Variants in PRCP observed in about 807,000 individuals in gnomAD.
PRCP encodes prolylcarboxypeptidase.
Under a neutral mutation model 54.2 loss-of-function variants are expected in PRCP, and 46 were observed. That is an observed-to-expected ratio of 0.85 (90% CI 0.67 to 1.09). The LOEUF (loss-of-function observed/expected upper bound fraction) is 1.09, where lower values mean the gene tolerates loss of function less well. Ranked by LOEUF, PRCP falls within the 50% of genes least tolerant of loss-of-function variation. The pLI is 0.00. For synonymous variants in PRCP, 240 were observed against 212.2 expected (o/e 1.13, Z -1.14); for missense variants, 613 against 596.8 (o/e 1.03, Z -0.28).
chr11:82,889,421 T>G (rs1438449616), intron 1 of PRCP, among the ~76,000 whole-genome samples: 9 of 137,068 alleles, frequency 6.6e-5, no homozygotes, highest in East Asian at 2.1e-4. Flanking sequence ...GGAGGAGGGA[T>G]GGAGGAAGGA....
chr11:82,855,260 G>T (rs1341082761), intron 2 of PRCP, among the ~76,000 whole-genome samples: 1 of 152,180 alleles, frequency 6.6e-6, no homozygotes, highest in Admixed American at 6.5e-5. Context: ...CAGAATGAGA[G>T]AAAATATTTG....
In PRCP at chr11:82,823,433, T is replaced by C. The variant is rs1357832427; in HGVS notation, c.*1473A>G. 9 of 152,220 alleles carry C rather than the reference T, an allele frequency of 5.9e-5. No homozygotes were observed. The highest frequency in any genetic ancestry group is 3.9e-4 in the Admixed American group (6 of 15,286). The allele number at this position is 152,220 out of a possible 1,614,324, so 9.4% of individuals were successfully genotyped here. A position where few individuals can be genotyped will look rare whatever the true frequency, so the allele number is the denominator to read the frequency against. On this transcript the variant is annotated 3_prime_UTR_variant, in exon 9 of 9. Transcript: ENST00000313010. ...ATAGACAACTCATTACAATGAGAAC[T>C]GAAGGCTCCCAAAATAAGACAAAGA...
intron 1 of PRCP, among the ~76,000 whole-genome samples, chr11:82,898,355 T>C (rs1236664050): frequency 6.6e-6 from 1 of 152,212 alleles, no homozygotes; most frequent in Non-Finnish European, 1.5e-5. Context: ...GAAAAGAATC[T>C]ACAATAAAGG....
chr11:82,844,437 A>AAAAG (rs1258789813), intron 6 of PRCP, among the ~76,000 whole-genome samples: 2 of 151,830 alleles, frequency 1.3e-5, no homozygotes, highest in African/African-American at 2.4e-5. Context: ...AAAAATAAAT[A>AAAAG]AAAGAAAGAA....
chr11:82,879,928 A>C (rs377533157), intron 1 of PRCP, among the ~76,000 whole-genome samples: 1 of 152,166 alleles, frequency 6.6e-6, no homozygotes, highest in African/African-American at 2.4e-5. Flanking sequence ...CAGTTGTATG[A>C]GATGTCAGTC....
chr11:82,823,417 T>C lies in PRCP; in HGVS notation c.*1489A>G, dbSNP rs902571161. 1 of 152,154 alleles carries C rather than the reference T, an allele frequency of 6.6e-6. No homozygotes were observed. The highest frequency in any genetic ancestry group is 2.4e-5 in the African/African-American group (1 of 41,444). 9.4% of individuals were successfully genotyped at this position (152,154 alleles called of 1,614,324 possible). On this transcript the variant is annotated 3_prime_UTR_variant, in exon 9 of 9. Coordinates refer to ENST00000313010, the MANE Select transcript of PRCP (RefSeq NM_005040.4). ...GTTACCAAATGCTTTGATAGACAAC[T>C]CATTACAATGAGAACTGAAGGCTCC...
At position 82,845,398 on chromosome 11, in the gene PRCP, A is replaced by G. The variant is rs544018061; in HGVS notation, c.921+3651T>C. Among the ~76,000 whole-genome samples the G allele has an allele frequency of 2.2e-4, 34 of 152,288 alleles. 1 individual carries two copies. The South Asian group carries it at 2.7e-3, about 12-fold the overall frequency. Reference sequence around the variant, plus strand: ...AAGGAAAGAAGATATGTTGGGGGAAAAAAAAAAGACCAATCTCCTCTCAGA... The same window carrying G: ...AAGGAAAGAAGATATGTTGGGGGAAGAAAAAAAGACCAATCTCCTCTCAGA... On this transcript the variant is annotated intron_variant, in intron 6 of 8. Transcript: ENST00000313010.
chr11:82,888,106 T>C (rs1411724311), intron 1 of PRCP, among the ~76,000 whole-genome samples: 1 of 152,228 alleles, frequency 6.6e-6, no homozygotes, highest in African/African-American at 2.4e-5. Context: ...CTTGTTAAAC[T>C]GTATTTTATT....
chr11:82,846,101 T>C (rs1211153425), intron 6 of PRCP: 1 of 152,160 alleles, frequency 6.6e-6, no homozygotes, highest in African/African-American at 2.4e-5. Flanking sequence ...CTGTTACATA[T>C]TATCTCACCA....
chr11:82,869,958 A>G (rs1281640733), intron 1 of PRCP, among the ~76,000 whole-genome samples: 2 of 152,250 alleles, frequency 1.3e-5, no homozygotes, highest in Non-Finnish European at 2.9e-5. Flanking sequence ...CTGCTGGGTG[A>G]AGAAACAGTT....
At chr11:82,892,284 GATT>G (rs1326032902) in intron 1 of PRCP, among the ~76,000 whole-genome samples, 2 of 152,050 alleles carry the variant, frequency 1.3e-5, no homozygotes, top group Non-Finnish European at 2.9e-5. Flanking sequence ...TTCAAAAAGC[GATT>G]ATATTAATAA....
intron 2 of PRCP, among the ~76,000 whole-genome samples, chr11:82,856,638 A>G (rs1859087960): frequency 6.6e-6 from 1 of 152,118 alleles, no homozygotes; most frequent in Non-Finnish European, 1.5e-5. Flanking sequence ...GCAACACACA[A>G]TTTACCCAAG....
At chr11:82,880,484 C>T (rs1859721877) in intron 1 of PRCP, among the ~76,000 whole-genome samples, 2 of 152,238 alleles carry the variant, frequency 1.3e-5, no homozygotes, top group East Asian at 3.9e-4. Flanking sequence ...ACCCCTTGCA[C>T]TTCCCAGGTG....
intron 1 of PRCP, among the ~76,000 whole-genome samples, chr11:82,889,051 A>C (rs1422906378): frequency 8.2e-6 from 1 of 121,984 alleles, no homozygotes; most frequent in Non-Finnish European, 1.6e-5. Context: ...CCAATCACAC[A>C]CTGTCCAGGA....
intron 1 of PRCP, among the ~76,000 whole-genome samples, chr11:82,891,444 TTAAGA>T (rs1358182641): frequency 6.6e-6 from 1 of 152,228 alleles, no homozygotes; most frequent in Non-Finnish European, 1.5e-5. Flanking sequence ...AAAGTGTTTC[TTAAGA>T]TTTATTAATC....
chr11:82,894,254 T>C (rs960797322), intron 1 of PRCP, among the ~76,000 whole-genome samples: 1 of 152,218 alleles, frequency 6.6e-6, no homozygotes, highest in African/African-American at 2.4e-5. Flanking sequence ...TATTATATTA[T>C]AATATAAATC....
chr11:82,827,167 C>T (rs943250941), intron 8 of PRCP: 5 of 152,142 alleles, frequency 3.3e-5, no homozygotes, highest in African/African-American at 9.7e-5. Context: ...GATACAAGTC[C>T]CTTATCAAAT....
intron 6 of PRCP, 24 bp from the exon 7 acceptor site, chr11:82,839,449 G>A: frequency 6.3e-7 from 1 of 1,587,294 alleles, no homozygotes; most frequent in Non-Finnish European, 8.6e-7. Context: ...AAGATAAATG[G>A]GGAAAGAGTC....
At chr11:82,868,253 C>G (rs1445403850) in intron 1 of PRCP, among the ~76,000 whole-genome samples, 1 of 152,110 alleles carries the variant, frequency 6.6e-6, no homozygotes, top group Non-Finnish European at 1.5e-5. Context: ...TATTATTTTA[C>G]AAGATACATG....
Sources: allele counts gnomAD v4.1 joint callset (sites outside exome capture counted in the v4.1 genomes callset), GRCh38; gene constraint gnomAD v4.1.1; transcripts MANE v1.5; gene names NCBI Gene and HGNC (gene_info 2026-07-23, HGNC 2026-07-21).